TGFA: variants seen among roughly 807,000 people sequenced by gnomAD.
TGFA encodes protransforming growth factor alpha.
A neutral mutation model predicts 21.7 loss-of-function variants in TGFA; 12 were observed. That is an observed-to-expected ratio of 0.55 (90% CI 0.35 to 0.90). The LOEUF is 0.90. TGFA is among the 40% of genes least tolerant of loss of function. The pLI, the probability that TGFA is intolerant of heterozygous loss-of-function variation, is 0.01. For missense variants in TGFA, 178 were observed against 210.8 expected, an observed-to-expected ratio of 0.84 and a Z score of 0.96; for synonymous variants, 79 against 88.1, an observed-to-expected ratio of 0.90 and a Z score of 0.58.
chr2:70,539,494 G>A (rs978796101), intron 1 of TGFA, among the ~76,000 whole-genome samples: 3 of 152,038 alleles, frequency 2.0e-5, no homozygotes, highest in African/African-American at 4.8e-5. Context: ...TCACTCTGTC[G>A]CCCAGGCTGG....
chr2:70,536,102 A>G (rs936693368), intron 1 of TGFA, among the ~76,000 whole-genome samples: 1 of 152,248 alleles, frequency 6.6e-6, no homozygotes, highest in Non-Finnish European at 1.5e-5. Context: ...GACTATGTCA[A>G]CTACAGGTAT....
intron 5 of TGFA, 98 bp downstream of exon 5, chr2:70,453,120 C>T: frequency 9.1e-7 from 1 of 1,095,330 alleles, no homozygotes; most frequent in South Asian, 1.4e-5. Context: ...TTTCTCCTCT[C>T]TTCCTGCTTC....
At chr2:70,551,973 G>A (rs1433746300) in intron 1 of TGFA, among the ~76,000 whole-genome samples, 2 of 152,032 alleles carry the variant, frequency 1.3e-5, no homozygotes, top group African/African-American at 4.8e-5. Flanking sequence ...ATCATTTCCT[G>A]CCTCTAATTT....
chr2:70,543,019 C>T (rs1360202047), intron 1 of TGFA, among the ~76,000 whole-genome samples: 6 of 151,766 alleles, frequency 4.0e-5, no homozygotes, highest in Non-Finnish European at 8.8e-5. Flanking sequence ...AGGAGAATCG[C>T]TTGAACCCGG....
intron 1 of TGFA, among the ~76,000 whole-genome samples, chr2:70,524,530 C>T (rs1672574120): frequency 6.6e-6 from 1 of 152,222 alleles, no homozygotes; most frequent in Non-Finnish European, 1.5e-5. Flanking sequence ...CTGGAGTTCC[C>T]CAGCTGCTGA....
chr2:70,529,568 C>T (rs1672748786), intron 1 of TGFA, among the ~76,000 whole-genome samples: 1 of 146,888 alleles, frequency 6.8e-6, no homozygotes, highest in South Asian at 2.1e-4. Flanking sequence ...AGAGCACGTG[C>T]AAAGGTCCTG....
At chr2:70,452,251 T>C (rs533148413) in intron 5 of TGFA, among the ~76,000 whole-genome samples, 2 of 152,280 alleles carry the variant, frequency 1.3e-5, no homozygotes, top group South Asian at 2.1e-4. Context: ...TGGGCTCTCT[T>C]GGTCAAAATT....
At chr2:70,532,359 C>A (rs3771480) in intron 1 of TGFA, among the ~76,000 whole-genome samples, 29,265 of 152,068 alleles carry the variant, frequency 0.19, 4,689 homozygotes, top group African/African-American at 0.45. Flanking sequence ...TTTATCTTCA[C>A]GGCCAAGCAG....
chr2:70,553,109 GC>G, intron 1 of TGFA: 1 of 1,484,018 alleles, frequency 6.7e-7, no homozygotes, highest in South Asian at 1.2e-5. Flanking sequence ...CCTGCCCTCG[GC>G]GGACACCGAA....
chr2:70,478,964 A>C (rs1553494952), intron 2 of TGFA, among the ~76,000 whole-genome samples: 1 of 152,174 alleles, frequency 6.6e-6, no homozygotes, highest in East Asian at 1.9e-4. Context: ...TCATTTGATA[A>C]AAAATTAGCA....
At chr2:70,455,708 A>C (rs1272313012) in intron 4 of TGFA, among the ~76,000 whole-genome samples, 1 of 152,194 alleles carries the variant, frequency 6.6e-6, no homozygotes, top group Non-Finnish European at 1.5e-5. Flanking sequence ...CTGTATTCCC[A>C]GGGTCTCTGA....
chr2:70,456,513 C>T (rs1215828589), intron 3 of TGFA, 25 bp from the exon 4 acceptor site: 13 of 1,583,330 alleles, frequency 8.2e-6, no homozygotes, highest in Non-Finnish European at 1.0e-5. Flanking sequence ...AACGTCAGTG[C>T]ACTCTCCTGA....
At chr2:70,547,620 C>T (rs1305598283) in intron 1 of TGFA, among the ~76,000 whole-genome samples, 5 of 148,370 alleles carry the variant, frequency 3.4e-5, no homozygotes, top group Admixed American at 1.3e-4. Flanking sequence ...GTACATTAAA[C>T]AGTGTGAACC....
At chr2:70,480,321 G>T (rs559345230) in intron 2 of TGFA, among the ~76,000 whole-genome samples, 2 of 152,202 alleles carry the variant, frequency 1.3e-5, no homozygotes, top group African/African-American at 4.8e-5. Flanking sequence ...GCCTTCCAAG[G>T]TTGGGCTGTT....
intron 1 of TGFA, among the ~76,000 whole-genome samples, chr2:70,522,462 TCTTA>T (rs1383807191): frequency 6.6e-6 from 1 of 152,116 alleles, no homozygotes; most frequent in Non-Finnish European, 1.5e-5. Context: ...TATGATGGAG[TCTTA>T]CTCTGTTGCC....
Position 70,514,875 on chromosome 2 carries a change from G to A in TGFA, c.78C>T (p.Ser26=). 6.2e-7 allele frequency: 1 copy of A among 1,614,034 alleles called. No individual in the cohort carries two copies. Among genetic ancestry groups the A allele is most frequent in the East Asian group, 2.2e-5 (1 of 44,882 alleles). The change falls in exon 2 of 6, where the codon AGC becomes AGT. Residue 26 remains serine (S), a synonymous_variant. Coordinates refer to ENST00000295400, the MANE Select transcript of TGFA (RefSeq NM_003236.4). ...VLAACQALEN[S]TSPLSADPPV... is the part of the protein sequence containing the mutation. ...TGCACTCACCACTCAGCGGGGACGT[G>A]CTGTTCTCCAAGGCCTGGCACGCAG...
chr2:70,452,761 G>A (rs1553489838), intron 5 of TGFA, among the ~76,000 whole-genome samples: 1 of 152,116 alleles, frequency 6.6e-6, no homozygotes, highest in Non-Finnish European at 1.5e-5. Context: ...GGCCAATACT[G>A]CGAAACCCCG....
intron 1 of TGFA, among the ~76,000 whole-genome samples, chr2:70,522,927 A>G (rs1156564035): frequency 1.3e-5 from 2 of 152,234 alleles, no homozygotes; most frequent in African/African-American, 4.8e-5. Flanking sequence ...CCTATGAGAA[A>G]GGATCCTTCC....
intron 2 of TGFA, among the ~76,000 whole-genome samples, chr2:70,504,477 C>CATATATATATATAT (rs370498590): frequency 1.5e-5 from 1 of 67,466 alleles, no homozygotes; most frequent in East Asian, 3.8e-4. Flanking sequence ...CACATACATA[C>CATATATATATATAT]ATACATACAC....
Sources: gnomAD v4.1 joint callset for allele counts (sites outside exome capture counted in the v4.1 genomes callset) on GRCh38, gnomAD v4.1.1 for gene constraint, MANE v1.5 for transcripts, NCBI Gene and HGNC (gene_info 2026-07-23, HGNC 2026-07-21) for gene names.